Variants in SLF2 observed in about 807,000 individuals in gnomAD.
SLF2 encodes SMC5-SMC6 complex localization factor protein 2.
SLF2 carries 68 observed loss-of-function variants against 124.3 expected under a neutral mutation model. That is an observed-to-expected ratio of 0.55 (90% confidence interval 0.45 to 0.67). The LOEUF (loss-of-function observed/expected upper bound fraction) is 0.67, where lower values mean the gene tolerates loss of function less well. Among genes scored for constraint, SLF2 ranks in the 30% least tolerant of loss-of-function variants. The pLI, the probability that SLF2 is intolerant of heterozygous loss-of-function variation, is 0.00. For synonymous variants in SLF2, 480 were observed against 478.8 expected (o/e 1.00, Z -0.03); for missense variants, 1,246 against 1,373.7 (o/e 0.91, Z 1.47).
chr10:100,925,308 G>C (rs886097876), intron 5 of SLF2, among the ~76,000 whole-genome samples: 5 of 152,146 alleles, frequency 3.3e-5, no homozygotes, highest in Non-Finnish European at 4.4e-5. Flanking sequence ...AAAGGAAGAA[G>C]AAGAGAAAAA....
chr10:100,959,032 T>C (rs563727102), intron 18 of SLF2, among the ~76,000 whole-genome samples: 1 of 152,102 alleles, frequency 6.6e-6, no homozygotes, highest in Non-Finnish European at 1.5e-5. Context: ...AAAGGGAAGC[T>C]GGGAAGGGAA....
chr10:100,945,929 G>A (rs911064460), intron 13 of SLF2, among the ~76,000 whole-genome samples: 4 of 152,190 alleles, frequency 2.6e-5, no homozygotes, highest in Non-Finnish European at 4.4e-5. Flanking sequence ...CAGATGCTAT[G>A]CTATTTCATA....
intron 17 of SLF2, 129 bp downstream of exon 17, chr10:100,950,882 T>A: frequency 1.4e-6 from 1 of 705,070 alleles, no homozygotes; most frequent in Middle Eastern, 3.4e-4. Context: ...TTGATTTTGC[T>A]ATAAGAATTC....
At chr10:100,939,397 G>A (rs986174434) in intron 11 of SLF2, among the ~76,000 whole-genome samples, 18 of 151,916 alleles carry the variant, frequency 1.2e-4, no homozygotes, top group Admixed American at 8.5e-4. Flanking sequence ...AAAGGTGGGG[G>A]CCAGGCATGG....
Position 100,912,989 on chromosome 10 carries a change from G to C in SLF2, c.-122G>C. On this transcript the variant is annotated 5_prime_UTR_variant, in exon 1 of 20. Coordinates refer to ENST00000238961, the MANE Select transcript of SLF2 (RefSeq NM_018121.4). ...CTTCCGAAGAGAGAACCGCCATGAA[G>C]AGAGAAGGGGGTGCCGCCCACCTCT... is the stretch of plus-strand genomic sequence containing the variant. The C allele has an allele frequency of 9.4e-7, 1 of 1,065,346 alleles. No individual in the cohort carries two copies. The highest frequency in any genetic ancestry group is 2.1e-4 in the Middle Eastern group (1 of 4,808). The allele number at this position is 1,065,346 out of a possible 1,614,324, so 66.0% of individuals were successfully genotyped here.
rs1226892232 is a variant in SLF2, at chr10:100,934,704, C to A, written c.2437-2698C>A. Among the ~76,000 whole-genome samples the A allele has an allele frequency of 3.9e-5, 6 of 152,090 alleles. No individual in the cohort carries two copies. The East Asian group carries it at 1.2e-3, about 29-fold the overall frequency. On this transcript the variant is annotated intron_variant, in intron 9 of 19. Transcript: ENST00000238961. ...CTCTTCTCACTGCAACCTCCACATC[C>A]CGAATTCAAGCGATTCTCATGCCTC...
At chr10:100,943,198 T>G (rs1053495550) in intron 11 of SLF2, among the ~76,000 whole-genome samples, 2 of 152,246 alleles carry the variant, frequency 1.3e-5, no homozygotes, top group African/African-American at 4.8e-5. Flanking sequence ...AGAGGCTCCT[T>G]CTACCTTATC....
At position 100,932,734 on chromosome 10, in the gene SLF2, C is replaced by CGT. The variant is rs1564776121; in HGVS notation, c.2436+1657_2436+1658insTG. 1.3e-5 allele frequency among the ~76,000 whole-genome samples: 2 copies of CGT among 151,006 alleles called. 1 individual carries two copies. ...GTGTGTGTGTGTGCGCGCGCGCGCG[C>CGT]GCGCACATTTGTAAATGTATTGTGT... On this transcript the variant is annotated intron_variant, in intron 9 of 19. Transcript: ENST00000238961.
intron 6 of SLF2, among the ~76,000 whole-genome samples, chr10:100,928,001 T>C (rs1364104858): frequency 2.0e-5 from 3 of 148,032 alleles, no homozygotes. Context: ...AGTTACTCTT[T>C]TGAGGAAAAA....
chr10:100,956,378 C>G (rs965555700), intron 17 of SLF2, 73 bp from the exon 18 acceptor site: 10 of 1,055,258 alleles, frequency 9.5e-6, no homozygotes, highest in Non-Finnish European at 1.4e-5. Flanking sequence ...TTTAGTTGTT[C>G]TAGCTGCATA....
chr10:100,938,519 C>G, intron 10 of SLF2, 76 bp from the exon 11 acceptor site: 1 of 1,396,214 alleles, frequency 7.2e-7, no homozygotes, highest in African/African-American at 1.5e-5. Context: ...TCATGTTTCA[C>G]CTGCAGACTG....
At chr10:100,941,708 G>A (rs1343005539) in intron 11 of SLF2, among the ~76,000 whole-genome samples, 1 of 152,160 alleles carries the variant, frequency 6.6e-6, no homozygotes, top group African/African-American at 2.4e-5. Flanking sequence ...ACACCATAAT[G>A]ACTAGCCCTT....
chr10:100,947,921 T>A, intron 15 of SLF2, 74 bp downstream of exon 15: 1 of 1,101,152 alleles, frequency 9.1e-7, no homozygotes, highest in Non-Finnish European at 1.4e-6. Context: ...TGATGAACCC[T>A]AAGTCAAAGG....
chr10:100,945,344 T>C lies in SLF2; in HGVS notation c.2772T>C (p.Cys924=). The change falls in exon 13 of 20, where the codon TGT becomes TGC. Residue 924 remains cysteine, a synonymous_variant. Transcript: ENST00000238961. Reference sequence around the variant, plus strand: ...ATGTTAAACAGTTTCTAGGCTTGTGTACATCTATACATCCAGAAGGTTACC... The same window carrying C: ...ATGTTAAACAGTTTCTAGGCTTGTGCACATCTATACATCCAGAAGGTTACC... ...ILNVVKFLGL[C]TSIHPEGYQD... 1 of 1,586,964 alleles carries C rather than the reference T, an allele frequency of 6.3e-7. No homozygotes were observed. Among genetic ancestry groups the C allele is most frequent in the Non-Finnish European group, 8.5e-7 (1 of 1,173,316 alleles).
chr10:100,958,103 GA>G (rs769490363), intron 18 of SLF2, among the ~76,000 whole-genome samples: 2 of 152,008 alleles, frequency 1.3e-5, no homozygotes, highest in Non-Finnish European at 2.9e-5. Flanking sequence ...TTTTTCTAAA[GA>G]TTTTTTTATT....
rs1344230147 is a variant in SLF2 at position 100,962,980 on chromosome 10, GTTGTT to G, written c.*1071_*1075del. The G allele has an allele frequency of 1.4e-4, 22 of 152,702 alleles. No homozygotes were observed. The highest frequency in any genetic ancestry group is 4.8e-4 in the African/African-American group (20 of 41,568). 9.5% of individuals were successfully genotyped at this position (152,702 alleles called of 1,614,324 possible). Reference sequence around the variant, plus strand: ...GTAGAGGGTTAGTGGAAGTGCACACGTTGTTTTTAGCCCAGGGGTAGTAACAAACT... The same window carrying G: ...GTAGAGGGTTAGTGGAAGTGCACACGTTTAGCCCAGGGGTAGTAACAAACT... On this transcript the variant is annotated 3_prime_UTR_variant, in exon 20 of 20. Transcript: ENST00000238961.
intron 17 of SLF2, among the ~76,000 whole-genome samples, chr10:100,952,243 CAA>C (rs1167171651): frequency 7.7e-6 from 1 of 129,698 alleles, no homozygotes. Flanking sequence ...GACTTCATCT[CAA>C]AAAAAAAAAC....
intron 11 of SLF2, among the ~76,000 whole-genome samples, chr10:100,942,659 C>G (rs930056291): frequency 2.6e-5 from 4 of 152,196 alleles, no homozygotes; most frequent in East Asian, 3.8e-4. Context: ...GCTGGGATTA[C>G]AGGCACCCGC....
chr10:100,937,100 A>G (rs970048493), intron 9 of SLF2, among the ~76,000 whole-genome samples: 11 of 152,082 alleles, frequency 7.2e-5, no homozygotes, highest in African/African-American at 2.7e-4. Context: ...TTGTGGTACA[A>G]TCATGGCTCA....
Sources: gnomAD v4.1 joint callset for allele counts (sites outside exome capture counted in the v4.1 genomes callset) on GRCh38, gnomAD v4.1.1 for gene constraint, MANE v1.5 for transcripts, NCBI Gene and HGNC (gene_info 2026-07-23, HGNC 2026-07-21) for gene names.